GIMAP5: variants seen among roughly 807,000 people sequenced by gnomAD.
GIMAP5 encodes the protein GTPase IMAP family member 5.
Under a neutral mutation model 9.9 loss-of-function variants are expected in GIMAP5, and 8 were observed. The observed-to-expected ratio is 0.81, with a 90% confidence interval of 0.47 to 1.45. GIMAP5 has a LOEUF of 1.45. Ranked by LOEUF, GIMAP5 falls within the 40% of genes most tolerant of loss-of-function variation. GIMAP5 has a pLI of 0.00. For synonymous variants in GIMAP5, 174 were observed against 151.4 expected (o/e 1.15, Z -1.09); for missense variants, 353 against 367.4 (o/e 0.96, Z 0.32).
Position 150,737,709 on chromosome 7 carries a change from G to T in GIMAP5, c.-7+1G>T, listed in dbSNP as rs548907052. On this transcript the variant is annotated splice_donor_variant, in intron 1 of 2. Coordinates refer to ENST00000358647, the MANE Select transcript of GIMAP5 (RefSeq NM_018384.5). LOFTEE classifies it low-confidence loss of function (5UTR_SPLICE). ...GGACAGGGCACAACAACCGTTTCTGGTAAGGAGAACTGGGTTTATGCTCAC... is the reference window on the plus strand; with the variant it reads ...GGACAGGGCACAACAACCGTTTCTGTTAAGGAGAACTGGGTTTATGCTCAC... 2 of 1,534,940 alleles carry T rather than the reference G, an allele frequency of 1.3e-6. No homozygotes were observed. Among genetic ancestry groups the T allele is most frequent in the South Asian group, 1.2e-5 (1 of 84,032 alleles).
In GIMAP5 at chr7:150,742,741, C is replaced by A. The variant is rs199678719; in HGVS notation, c.602C>A (p.Ala201Glu). The change falls in exon 3 of 3, where the codon GCA (alanine) becomes GAA (glutamate). Residue 201 changes from alanine to glutamate, a missense_variant. Coordinates refer to ENST00000358647, the MANE Select transcript of GIMAP5 (RefSeq NM_018384.5). Reference sequence around the variant, plus strand: ...GTGGAGGAGCAGAGGCAGCAGCAGGCAGAGCTCCTGGCTGTGATTGAGAGG... The same window carrying A: ...GTGGAGGAGCAGAGGCAGCAGCAGGAAGAGCTCCTGGCTGTGATTGAGAGG... ...GSVEEQRQQQ[A>E]ELLAVIERLG... 5.3e-5 allele frequency: 86 copies of A among 1,614,138 alleles called. 1 individual carries two copies. The highest frequency in any genetic ancestry group is 7.0e-5 in the Non-Finnish European group (83 of 1,180,032).
chr7:150,740,116 G>A (rs971933806), intron 1 of GIMAP5: 1 of 152,156 alleles, frequency 6.6e-6, no homozygotes, highest in African/African-American at 2.4e-5. Context: ...TCAACTCCCT[G>A]GGAGTCATAT....
Position 150,742,559 on chromosome 7 carries a change from A to C in GIMAP5, c.420A>C (p.Thr140=). 1 of 1,614,188 alleles carries C rather than the reference A, an allele frequency of 6.2e-7. No individual in the cohort carries two copies. The change falls in exon 3 of 3, where the codon ACA becomes ACC. Residue 140 remains threonine (T), a synonymous_variant. Coordinates refer to ENST00000358647, the MANE Select transcript of GIMAP5 (RefSeq NM_018384.5). ...GGAAGGTGAAAGAGGTCTTTGGGAC[A>C]GGGGCCATGAGACATGTGGTCATCC... ...AIRKVKEVFG[T]GAMRHVVILF...
Position 150,742,839 on chromosome 7 carries a change from G to A in GIMAP5, c.700G>A (p.Gly234Arg). The change falls in exon 3 of 3, where the codon GGA (glycine) becomes AGA (arginine). Residue 234 changes from glycine (G) to arginine (R), a missense_variant. By Grantham distance (125) the Gly-to-Arg change is moderately radical. Coordinates refer to ENST00000358647, the MANE Select transcript of GIMAP5 (RefSeq NM_018384.5). ...FLDAQLLQRT[G>R]AGACQEDYRQ... ...GGATGCCCAGCTGCTCCAAAGAACT[G>A]GAGCTGGGGCCTGCCAGGAAGACTA... The A allele has an allele frequency of 6.2e-7, 1 of 1,614,158 alleles. No homozygotes were observed. The highest frequency in any genetic ancestry group is 8.5e-7 in the Non-Finnish European group (1 of 1,180,026).
In GIMAP5 at chr7:150,742,613, C is replaced by G; in HGVS notation, c.474C>G (p.Gly158=). ...TCACCCACAAAGAGGACTTAGGGGG[C>G]CAGGCCCTGGATGACTATGTAGCAA... ...ILFTHKEDLG[G]QALDDYVANT... The change falls in exon 3 of 3, where the codon GGC becomes GGG. Residue 158 remains glycine (G), a synonymous_variant. Transcript: ENST00000358647. The G allele has an allele frequency of 6.2e-7, 1 of 1,614,154 alleles. No individual in the cohort carries two copies. Among genetic ancestry groups the G allele is most frequent in the South Asian group, 1.1e-5 (1 of 91,072 alleles).
Position 150,737,482 on chromosome 7 carries a change from T to C in GIMAP5, c.-233T>C. 1 of 1,526,456 alleles carries C rather than the reference T, an allele frequency of 6.6e-7. No individual in the cohort carries two copies. The highest frequency in any genetic ancestry group is 8.8e-7 in the Non-Finnish European group (1 of 1,138,728). The allele number at this position is 1,526,456 out of a possible 1,614,324, so 94.6% of individuals were successfully genotyped here. ...GAGGTGTGGGGGACACACTCCATAA[T>C]CTCTACTTTTCTTTTTGTGCAGCTG... On this transcript the variant is annotated 5_prime_UTR_variant, in exon 1 of 3. Coordinates refer to ENST00000358647, the MANE Select transcript of GIMAP5 (RefSeq NM_018384.5).
intron 1 of GIMAP5, chr7:150,738,887 T>G (rs966037009): frequency 6.6e-6 from 1 of 152,266 alleles, no homozygotes; most frequent in African/African-American, 2.4e-5. Context: ...GACTCACCTG[T>G]GAACACTTTG....
intron 1 of GIMAP5, chr7:150,739,985 C>T (rs1013673550): frequency 6.6e-5 from 10 of 152,034 alleles, no homozygotes; most frequent in Admixed American, 6.6e-4. Flanking sequence ...TAAGTTTAAG[C>T]CAATTAAGAC....
intron 1 of GIMAP5, 101 bp from the exon 2 acceptor site, chr7:150,740,778 T>G: frequency 3.9e-5 from 45 of 1,146,110 alleles, no homozygotes; most frequent in Non-Finnish European, 5.1e-5. Flanking sequence ...ATGGCTCATT[T>G]GAGAATGATT....
chr7:150,739,198 A>C (rs530924269), intron 1 of GIMAP5: 1 of 152,244 alleles, frequency 6.6e-6, no homozygotes, highest in Non-Finnish European at 1.5e-5. Context: ...TCTCCTGACC[A>C]GGGAGTGGCA....
Position 150,742,199 on chromosome 7 carries a change from C to T in GIMAP5, c.60C>T (p.Asn20=). The change falls in exon 3 of 3, where the codon AAC becomes AAT. Residue 20 remains asparagine, a synonymous_variant. Transcript: ENST00000358647. ...GTMAEGRSED[N]LSATPPALRI... ...TTTCTACAGGTAGATCAGAAGATAACTTGTCTGCAACACCACCGGCATTGA... is the reference window on the plus strand; with the variant it reads ...TTTCTACAGGTAGATCAGAAGATAATTTGTCTGCAACACCACCGGCATTGA... 1 of 1,613,860 alleles carries T rather than the reference C, an allele frequency of 6.2e-7. No individual in the cohort carries two copies. Among genetic ancestry groups the T allele is most frequent in the Non-Finnish European group, 8.5e-7 (1 of 1,179,788 alleles).
In GIMAP5 at chr7:150,737,453, C is replaced by G; in HGVS notation, c.-262C>G. On this transcript the variant is annotated 5_prime_UTR_variant, in exon 1 of 3. Coordinates refer to ENST00000358647, the MANE Select transcript of GIMAP5 (RefSeq NM_018384.5). ...CAGCCAACACCAGGGTGTCCTAGTC[C>G]GCAGAGGTGTGGGGGACACACTCCA... 1 of 1,408,516 alleles carries G rather than the reference C, an allele frequency of 7.1e-7. No homozygotes were observed. Among genetic ancestry groups the G allele is most frequent in the South Asian group, 1.2e-5 (1 of 80,718 alleles). 87.3% of individuals were successfully genotyped at this position (1,408,516 alleles called of 1,614,324 possible). A position where few individuals can be genotyped will look rare whatever the true frequency, so the allele number is the denominator to read the frequency against.
intron 1 of GIMAP5, 50 bp from the exon 2 acceptor site, chr7:150,740,829 A>T: frequency 1.9e-6 from 3 of 1,595,192 alleles, no homozygotes; most frequent in Non-Finnish European, 2.6e-6. Flanking sequence ...AGGCTCTACC[A>T]GCTCCCAAAC....
In GIMAP5 at chr7:150,743,145, C is replaced by T. The variant is rs568937661; in HGVS notation, c.*82C>T. On this transcript the variant is annotated 3_prime_UTR_variant, in exon 3 of 3. Transcript: ENST00000358647. The stretch of plus-strand genomic sequence containing the variant: ...AATCACCAATTCAGACTCAGATCCT[C>T]GTGGTCTATGGAGCATGCTGCTTGC... 1.2e-5 allele frequency: 18 copies of T among 1,504,048 alleles called. No individual in the cohort carries two copies. Among genetic ancestry groups the T allele is most frequent in the African/African-American group, 7.0e-5 (5 of 71,868 alleles). The allele number at this position is 1,504,048 out of a possible 1,614,324, so 93.2% of individuals were successfully genotyped here.
At chr7:150,741,447 T>C (rs1475124011) in intron 2 of GIMAP5, among the ~76,000 whole-genome samples, 1 of 152,196 alleles carries the variant, frequency 6.6e-6, no homozygotes, top group African/African-American at 2.4e-5. Flanking sequence ...TGCCACAGTG[T>C]CACCCTCTCC....
chr7:150,741,875 C>T (rs186742158), intron 2 of GIMAP5, among the ~76,000 whole-genome samples: 18 of 152,342 alleles, frequency 1.2e-4, no homozygotes, highest in East Asian at 3.9e-4. Context: ...CTAAACACCA[C>T]GCAGGGGAAA....
chr7:150,742,240 G>C lies in GIMAP5; in HGVS notation c.101G>C (p.Gly34Ala). The change falls in exon 3 of 3, where the codon GGC (glycine) becomes GCC (alanine). Residue 34 changes from glycine (G) to alanine (A), a missense_variant. Transcript: ENST00000358647. ...CCGGCATTGAGGATTATCCTAGTGG[G>C]CAAAACAGGCTGCGGGAAAAGTGCC... Reference protein sequence around the residue: ...TPPALRIILVGKTGCGKSATG... With the variant: ...TPPALRIILVAKTGCGKSATG... 1.2e-6 allele frequency: 2 copies of C among 1,614,168 alleles called. No homozygotes were observed. Among genetic ancestry groups the C allele is most frequent in the Middle Eastern group, 1.6e-4 (1 of 6,062 alleles).
chr7:150,737,909 T>C, intron 1 of GIMAP5: 1 of 597,180 alleles, frequency 1.7e-6, no homozygotes, highest in South Asian at 2.0e-5. Flanking sequence ...GAAGAATCTG[T>C]GCCTGCACTC....
Position 150,737,532 on chromosome 7 carries a change from A to C in GIMAP5, c.-183A>C. The C allele has an allele frequency of 1.3e-6, 2 of 1,535,664 alleles. No individual in the cohort carries two copies. The highest frequency in any genetic ancestry group is 1.7e-6 in the Non-Finnish European group (2 of 1,146,888). Reference sequence around the variant, plus strand: ...GAGTCATGGAGCTTTCAGCCCCAGCACATGGCTCCTCCTTAACTGCGTCTG... The same window carrying C: ...GAGTCATGGAGCTTTCAGCCCCAGCCCATGGCTCCTCCTTAACTGCGTCTG... On this transcript the variant is annotated 5_prime_UTR_variant, in exon 1 of 3. Coordinates refer to ENST00000358647, the MANE Select transcript of GIMAP5 (RefSeq NM_018384.5).
Sources: allele counts gnomAD v4.1 joint callset (sites outside exome capture counted in the v4.1 genomes callset), GRCh38; gene constraint gnomAD v4.1.1; transcripts MANE v1.5; gene names NCBI Gene and HGNC (gene_info 2026-07-23, HGNC 2026-07-21).